The following BCL3 variants were observed in gnomAD, a reference collection of about 807,000 sequenced individuals.
BCL3 encodes the protein B-cell lymphoma 3 protein.
In BCL3, 15 loss-of-function variants were observed where a neutral mutation model predicts 35.7. The ratio of observed to expected loss-of-function variants is 0.42; its 90% CI spans 0.28 to 0.65. The LOEUF is 0.65. Among genes scored for constraint, BCL3 ranks in the 30% least tolerant of loss-of-function variants. The pLI is 0.22. For missense variants in BCL3, 565 were observed against 641.7 expected (o/e 0.88, Z 1.29); for synonymous variants, 311 against 284.3 (o/e 1.09, Z -0.95).
At chr19:44,752,358 C>T (rs1967197935) in intron 2 of BCL3, among the ~76,000 whole-genome samples, 1 of 151,452 alleles carries the variant, frequency 6.6e-6, no homozygotes, top group African/African-American at 2.4e-5. Flanking sequence ...TACCCCCACA[C>T]CTGGCTAATT....
upstream of BCL3, chr19:44,748,081 A>G: frequency 7.5e-7 from 1 of 1,340,796 alleles, no homozygotes; most frequent in Non-Finnish European, 9.8e-7. Flanking sequence ...CCCACTAAGG[A>G]GGAAACGGCT....
intron 2 of BCL3, among the ~76,000 whole-genome samples, chr19:44,754,335 C>T (rs1188411947): frequency 1.3e-5 from 2 of 152,064 alleles, no homozygotes; most frequent in African/African-American, 2.4e-5. Flanking sequence ...TATGCGCCCC[C>T]CCTACACACA....
intron 2 of BCL3, among the ~76,000 whole-genome samples, chr19:44,752,085 C>G (rs1008805037): frequency 3.0e-5 from 4 of 133,566 alleles, no homozygotes; most frequent in Non-Finnish European, 6.2e-5. Flanking sequence ...CCAGCACACA[C>G]ACACACACAC....
Position 44,749,004 on chromosome 19 carries a change from C to G in BCL3, c.214C>G (p.Pro72Ala), listed in dbSNP as rs1445898429. ...GGCDLPAVPG[P>A]PHGLARPEAL... is the part of the protein sequence containing the mutation. ...CTGCGACCTGCCGGCGGTCCCCGGG[C>G]CCCCCCACGGCCTGGCCCGGCCGGA... The change falls in exon 1 of 9, where the codon CCC (proline) becomes GCC (alanine). Residue 72 changes from proline (P) to alanine (A), a missense_variant. Coordinates refer to ENST00000164227, the MANE Select transcript of BCL3 (RefSeq NM_005178.5). 2.2e-6 allele frequency: 3 copies of G among 1,381,818 alleles called. No individual in the cohort carries two copies. The highest frequency in any genetic ancestry group is 1.9e-6 in the Non-Finnish European group (2 of 1,066,076). The allele number at this position is 1,381,818 out of a possible 1,614,324, so 85.6% of individuals were successfully genotyped here.
At chr19:44,754,861 C>A (rs1010041230) in intron 2 of BCL3, among the ~76,000 whole-genome samples, 9 of 152,262 alleles carry the variant, frequency 5.9e-5, no homozygotes, top group Non-Finnish European at 1.3e-4. Context: ...CTCCGAAAGG[C>A]CCCCATGGCT....
chr19:44,751,190 C>T (rs1967171580), intron 1 of BCL3, 37 bp from the exon 2 acceptor site: 1 of 1,584,626 alleles, frequency 6.3e-7, no homozygotes, highest in Non-Finnish European at 8.5e-7. Context: ...GTGGGTGTGG[C>T]CTCACCCATG....
Position 44,759,491 on chromosome 19 carries a change from TC to T in BCL3, c.1245del (p.Met416TrpfsTer66). ...TCTCCCCCCAGGGACCCCCCTGGAT[TC>T]CCCATGGCTCCTCCCAATTTCTTCC... ...SQSPPRDPPG[F>X]PMAPPNFFLP... On this transcript the variant is annotated frameshift_variant, in exon 9 of 9. Coordinates refer to ENST00000164227, the MANE Select transcript of BCL3 (RefSeq NM_005178.5). LOFTEE classifies it high-confidence loss of function. The T allele has an allele frequency of 6.2e-7, 1 of 1,611,206 alleles. No homozygotes were observed. The highest frequency in any genetic ancestry group is 8.5e-7 in the Non-Finnish European group (1 of 1,178,546).
At position 44,757,637 on chromosome 19, in the gene BCL3, C is replaced by T. The variant is rs1967322752; in HGVS notation, c.814-9C>T. 3.7e-6 allele frequency: 6 copies of T among 1,613,434 alleles called. No homozygotes were observed. The highest frequency in any genetic ancestry group is 5.1e-6 in the Non-Finnish European group (6 of 1,179,742). On this transcript the variant is annotated splice_polypyrimidine_tract_variant and intron_variant, in intron 5 of 8. Transcript: ENST00000164227. This position sits in a 1 kb window ranked among gnomAD's most constrained non-coding sequence, Gnocchi z 8.4. ...TTGGAGAAACTAAGACCTTCCCTCC[C>T]CGCCGCAGGACATTAAGAGCGGCCG...
In BCL3 at chr19:44,756,275, C is replaced by T; in HGVS notation, c.454C>T (p.His152Tyr). ...AVVQGNLPAV[H>Y]RLVNLFQQGG... The stretch of plus-strand genomic sequence containing the variant: ...GGTGCAGGGTAACCTGCCAGCTGTG[C>T]ACCGGCTGGTCAACCTCTTCCAGCA... Residue 152 changes from histidine (H) to tyrosine (Y), a missense_variant, in exon 3 of 9, where the codon CAC (histidine) becomes TAC (tyrosine). His to Tyr is a moderately conservative substitution (Grantham distance 83). Around this residue, in one of 5 missense-constraint regions of BCL3, gnomAD observed 267 missense variants for 281.5 expected, o/e 0.95. Transcript: ENST00000164227. 6.4e-7 allele frequency: 1 copy of T among 1,558,018 alleles called. No individual in the cohort carries two copies. Among genetic ancestry groups the T allele is most frequent in the Non-Finnish European group, 8.7e-7 (1 of 1,149,308 alleles).
chr19:44,756,401 G>A, intron 3 of BCL3, 61 bp downstream of exon 3: 1 of 1,264,230 alleles, frequency 7.9e-7, no homozygotes, highest in Non-Finnish European at 1.0e-6. Flanking sequence ...ACAGAGGAGG[G>A]GCTGGGGGCC....
Position 44,758,669 on chromosome 19 carries a change from G to A in BCL3, c.1060-55G>A, listed in dbSNP as rs1369067068. ...TGGATCCAGTGAGCTAGGAGGGATG[G>A]GAGAGAGGACTGTGAGGCATGGGTG... On this transcript the variant is annotated intron_variant, in intron 7 of 8. Coordinates refer to ENST00000164227, the MANE Select transcript of BCL3 (RefSeq NM_005178.5). 6.0e-5 allele frequency: 87 copies of A among 1,454,858 alleles called. 1 individual carries two copies. Among genetic ancestry groups the A allele is most frequent in the Non-Finnish European group, 7.8e-5 (83 of 1,061,754 alleles). 90.1% of individuals were successfully genotyped at this position (1,454,858 alleles called of 1,614,324 possible).
Position 44,757,186 on chromosome 19 carries a change from CG to C in BCL3, c.692del (p.Gly231AlafsTer20). 6.4e-7 allele frequency: 1 copy of C among 1,568,698 alleles called. No individual in the cohort carries two copies. Among genetic ancestry groups the C allele is most frequent in the Non-Finnish European group, 8.7e-7 (1 of 1,154,952 alleles). On this transcript the variant is annotated frameshift_variant, in exon 4 of 9. Transcript: ENST00000164227. LOFTEE classifies it high-confidence loss of function. The surrounding 1 kb of genome is among the most constrained non-coding windows in gnomAD (Gnocchi z 8.4). ...CGAGCCCTGCTGGACAGCGCAGCTC[CG>C]GGCACGTTGGACCTGGAGGCCCGCA... is the stretch of plus-strand genomic sequence containing the variant. Reference protein sequence around the residue: ...CLRALLDSAAPGTLDLEARNY... With the variant: ...CLRALLDSAAXGTLDLEARNY...
chr19:44,750,275 G>A (rs1187120843), intron 1 of BCL3, among the ~76,000 whole-genome samples: 1 of 135,992 alleles, frequency 7.4e-6, no homozygotes, highest in Non-Finnish European at 1.5e-5. Flanking sequence ...TGCTGCCATG[G>A]TCCCCTCGCC....
intron 1 of BCL3, among the ~76,000 whole-genome samples, chr19:44,751,026 G>GGA (rs1967168186): frequency 1.3e-5 from 2 of 152,140 alleles, no homozygotes; most frequent in South Asian, 4.1e-4. Flanking sequence ...AGCCCTAGAG[G>GGA]GAGAGGAAGC....
intron 2 of BCL3, among the ~76,000 whole-genome samples, chr19:44,752,670 G>T (rs1599839206): frequency 6.6e-6 from 1 of 152,296 alleles, no homozygotes; most frequent in East Asian, 1.9e-4. Flanking sequence ...AGTCCTGCAC[G>T]GGAGGGTTTG....
chr19:44,758,812 C>T lies in BCL3; in HGVS notation c.1148C>T (p.Pro383Leu), dbSNP rs772932566. 2 of 1,604,594 alleles carry T rather than the reference C, an allele frequency of 1.2e-6. No homozygotes were observed. Among genetic ancestry groups the T allele is most frequent in the Middle Eastern group, 1.7e-4 (1 of 6,008 alleles). The change falls in exon 8 of 9, where the codon CCC (proline) becomes CTC (leucine). Residue 383 changes from proline to leucine, a missense_variant. Pro to Leu is a moderately conservative substitution (Grantham distance 98). Around this residue, in one of 5 missense-constraint regions of BCL3, gnomAD observed 151 missense variants for 138.1 expected, o/e 1.09. Coordinates refer to ENST00000164227, the MANE Select transcript of BCL3 (RefSeq NM_005178.5). The part of the protein sequence containing the change: ...PSPDRSANTS[P>L]ESSSRLSSNG... ...CCTGACCGGAGCGCCAACACCTCCC[C>T]CGAGAGCAGCAGCCGCCTCAGCTCC...
At chr19:44,752,043 T>A (rs1967190246) in intron 2 of BCL3, among the ~76,000 whole-genome samples, 2 of 151,800 alleles carry the variant, frequency 1.3e-5, no homozygotes, top group Non-Finnish European at 2.9e-5. Flanking sequence ...TGAGTAAGTG[T>A]TTGTTAATAT....
At position 44,758,807 on chromosome 19, in the gene BCL3, C is replaced by T; in HGVS notation, c.1143C>T (p.Thr381=). The T allele has an allele frequency of 1.2e-6, 2 of 1,606,300 alleles. No individual in the cohort carries two copies. The highest frequency in any genetic ancestry group is 8.5e-7 in the Non-Finnish European group (1 of 1,177,384). The part of the protein sequence containing the change: ...PDPSPDRSAN[T]SPESSSRLSS... ...CCTCCCCTGACCGGAGCGCCAACAC[C>T]TCCCCCGAGAGCAGCAGCCGCCTCA... The change falls in exon 8 of 9, where the codon ACC becomes ACT. Residue 381 remains threonine, a synonymous_variant. Coordinates refer to ENST00000164227, the MANE Select transcript of BCL3 (RefSeq NM_005178.5).
chr19:44,756,752 G>T (rs1419815140), intron 3 of BCL3, among the ~76,000 whole-genome samples: 1 of 151,470 alleles, frequency 6.6e-6, no homozygotes, highest in Non-Finnish European at 1.5e-5. Flanking sequence ...GAGGGAGGGG[G>T]CCTAAAGACC....
Sources: gnomAD v4.1 joint callset for allele counts (sites outside exome capture counted in the v4.1 genomes callset) on GRCh38, gnomAD v4.1.1 for gene constraint, gnomAD v4.1.1 regional missense constraint, Gnocchi (gnomAD v3.1) non-coding constraint, MANE v1.5 for transcripts, NCBI Gene and HGNC (gene_info 2026-07-23, HGNC 2026-07-21) for gene names.